Variants in SLC24A1 observed in about 807,000 individuals in gnomAD.
SLC24A1 encodes solute carrier family 24 member 1.
Under a neutral mutation model 88.1 loss-of-function variants are expected in SLC24A1, and 52 were observed. The ratio of observed to expected loss-of-function variants is 0.59; its 90% CI spans 0.47 to 0.74. The LOEUF is 0.74. Among genes scored for constraint, SLC24A1 ranks in the 30% least tolerant of loss-of-function variants. The pLI is 0.00. For synonymous variants in SLC24A1, 455 were observed against 498.0 expected, an observed-to-expected ratio of 0.91 and a Z score of 1.15; for missense variants, 1,173 against 1,363.3, an observed-to-expected ratio of 0.86 and a Z score of 2.20.
chr15:65,660,375 G>A, downstream of SLC24A1: 2 of 1,360,292 alleles, frequency 1.5e-6, no homozygotes, highest in Non-Finnish European at 2.0e-6. Flanking sequence ...CTAAGTCTCA[G>A]GACTCCAAGA....
intron 6 of SLC24A1, among the ~76,000 whole-genome samples, chr15:65,649,545 C>T (rs2075424507): frequency 6.6e-6 from 1 of 151,052 alleles, no homozygotes; most frequent in South Asian, 2.1e-4. Flanking sequence ...ACTTATAAAC[C>T]ACGTGGACCA....
chr15:65,647,048 TGA>T (rs1317131438), intron 6 of SLC24A1, among the ~76,000 whole-genome samples: 7 of 152,214 alleles, frequency 4.6e-5, no homozygotes, highest in Non-Finnish European at 8.8e-5. Context: ...ATTCCTTCTC[TGA>T]GTACAGGCTC....
chr15:65,647,651 A>G (rs1225926677), intron 6 of SLC24A1, among the ~76,000 whole-genome samples: 1 of 152,122 alleles, frequency 6.6e-6, no homozygotes, highest in Admixed American at 6.6e-5. Context: ...GACAGTCTTC[A>G]GAGTAGAGGG....
chr15:65,624,845 C>A lies in SLC24A1; in HGVS notation c.765C>A (p.Ser255Arg). The change falls in exon 2 of 10, where the codon AGC becomes AGA. Residue 255 changes from serine (S) to arginine (R), a missense_variant. Coordinates refer to ENST00000261892, the MANE Select transcript of SLC24A1 (RefSeq NM_004727.3). ...CCACTCTCAAGGGAATGTTTGATAG[C>A]ACCCCAACTTTTCTGACACATGAGG... ...TPTTLKGMFD[S>R]TPTFLTHEVE... is the part of the protein sequence containing the mutation. 1 of 1,614,034 alleles carries A rather than the reference C, an allele frequency of 6.2e-7. No homozygotes were observed. The highest frequency in any genetic ancestry group is 1.1e-5 in the South Asian group (1 of 91,086).
Position 65,654,201 on chromosome 15 carries a change from C to T in SLC24A1, c.*122C>T. On this transcript the variant is annotated 3_prime_UTR_variant, in exon 10 of 10. Coordinates refer to ENST00000261892, the MANE Select transcript of SLC24A1 (RefSeq NM_004727.3). The stretch of plus-strand genomic sequence containing the variant: ...GAAAGTGAACTGGGTGACCTAGGAC[C>T]TCTGATATGAATGTGATCTGAGACT... The T allele has an allele frequency of 1.4e-6, 2 of 1,474,880 alleles. No individual in the cohort carries two copies. Among genetic ancestry groups the T allele is most frequent in the Non-Finnish European group, 1.8e-6 (2 of 1,117,840 alleles). 91.4% of individuals were successfully genotyped at this position (1,474,880 alleles called of 1,614,324 possible).
chr15:65,656,813 C>A (rs1451507064), downstream of SLC24A1, among the ~76,000 whole-genome samples: 2 of 152,120 alleles, frequency 1.3e-5, no homozygotes, highest in Non-Finnish European at 2.9e-5. Flanking sequence ...CTATATAGTA[C>A]CAGAAAAAAG....
intron 1 of SLC24A1, among the ~76,000 whole-genome samples, chr15:65,622,746 T>TC (rs556786480): frequency 3.9e-4 from 59 of 151,978 alleles, no homozygotes; most frequent in African/African-American, 1.4e-3. Context: ...TGCTTTTCTT[T>TC]TTTTTTTTTC....
chr15:65,634,869 G>A (rs919485187), intron 2 of SLC24A1, among the ~76,000 whole-genome samples: 1 of 152,010 alleles, frequency 6.6e-6, no homozygotes, highest in African/African-American at 2.4e-5. Flanking sequence ...TGTGAGTGTG[G>A]GTAAGTGATG....
At chr15:65,644,194 T>C (rs1022742457) in intron 4 of SLC24A1, 1 of 536,548 alleles carries the variant, frequency 1.9e-6, no homozygotes, top group Non-Finnish European at 3.4e-6. Flanking sequence ...TGACTTACCC[T>C]AAGGTCACAG....
chr15:65,643,354 A>G (rs1265364075), intron 4 of SLC24A1, among the ~76,000 whole-genome samples: 4 of 152,158 alleles, frequency 2.6e-5, no homozygotes, highest in African/African-American at 9.7e-5. Context: ...TGTCTCATGG[A>G]TCCTCATCAC....
At position 65,624,996 on chromosome 15, in the gene SLC24A1, A is replaced by C. The variant is rs1253641610; in HGVS notation, c.916A>C (p.Thr306Pro). 6.2e-7 allele frequency: 1 copy of C among 1,607,858 alleles called. No individual in the cohort carries two copies. The highest frequency in any genetic ancestry group is 8.5e-7 in the Non-Finnish European group (1 of 1,176,824). The change falls in exon 2 of 10, where the codon ACT becomes CCT. Residue 306 changes from threonine (T) to proline (P), a missense_variant. By Grantham distance (38) the Thr-to-Pro change is conservative. Coordinates refer to ENST00000261892, the MANE Select transcript of SLC24A1 (RefSeq NM_004727.3). ...GTTAGTGGGAAAGAGCAACCCGAAG[A>C]CTCCCCAGGGAACAGTCCTGTTGCA... ...WGLVGKSNPKTPQGTVLLHTP... is the reference protein window; with the variant it reads ...WGLVGKSNPKPPQGTVLLHTP...
At chr15:65,623,393 A>G (rs2141448655) in intron 1 of SLC24A1, among the ~76,000 whole-genome samples, 1 of 152,244 alleles carries the variant, frequency 6.6e-6, no homozygotes, top group South Asian at 2.1e-4. Flanking sequence ...ACCATGCCAT[A>G]TTCTCTGGGA....
chr15:65,621,560 A>C (rs2074319271), upstream of SLC24A1, among the ~76,000 whole-genome samples: 1 of 152,212 alleles, frequency 6.6e-6, no homozygotes. Flanking sequence ...ATTTACTTTT[A>C]GATTACATTA....
chr15:65,660,179 G>A, downstream of SLC24A1: 1 of 751,252 alleles, frequency 1.3e-6, no homozygotes, highest in Non-Finnish European at 2.3e-6. Context: ...ACAAAGGAGA[G>A]GCAGATATAT....
downstream of SLC24A1, chr15:65,660,223 T>C: frequency 7.2e-7 from 1 of 1,379,500 alleles, no homozygotes; most frequent in Non-Finnish European, 1.0e-6. Context: ...GTAAGCAAGT[T>C]CAGCCCCAAA....
upstream of SLC24A1, among the ~76,000 whole-genome samples, chr15:65,620,893 G>T (rs931533011): frequency 5.9e-5 from 9 of 152,078 alleles, no homozygotes; most frequent in Non-Finnish European, 5.9e-5. Flanking sequence ...ATTTTGTTCT[G>T]CCCACAGCAG....
At chr15:65,638,868 C>T (rs973720940) in intron 3 of SLC24A1, among the ~76,000 whole-genome samples, 3 of 151,998 alleles carry the variant, frequency 2.0e-5, no homozygotes, top group African/African-American at 4.8e-5. Context: ...AGTGTGGAAG[C>T]GTTGTCTTTG....
intron 2 of SLC24A1, among the ~76,000 whole-genome samples, chr15:65,616,627 C>T (rs2074154058): frequency 6.6e-6 from 1 of 151,888 alleles, no homozygotes; most frequent in African/African-American, 2.4e-5. Flanking sequence ...GGATATTAGC[C>T]CTTTGTCAGA....
chr15:65,639,564 G>A (rs779400029), intron 3 of SLC24A1, 31 bp from the exon 4 acceptor site: 1 of 1,076,692 alleles, frequency 9.3e-7, no homozygotes, highest in African/African-American at 2.9e-5. Flanking sequence ...GCTTGGACAG[G>A]GGCCCACTGT....
Sources: gnomAD v4.1 joint callset for allele counts (sites outside exome capture counted in the v4.1 genomes callset) on GRCh38, gnomAD v4.1.1 for gene constraint, MANE v1.5 for transcripts, NCBI Gene and HGNC (gene_info 2026-07-23, HGNC 2026-07-21) for gene names.